Variants in SNTG2 observed in about 807,000 individuals in gnomAD.
The protein encoded by SNTG2 is syntrophin gamma 2, also known as gamma-2-syntrophin.
A neutral mutation model predicts 70.9 loss-of-function variants in SNTG2; 74 were observed. The observed-to-expected ratio is 1.04, with a 90% CI of 0.86 to 1.27. SNTG2 has a LOEUF of 1.27. Ranked by LOEUF, SNTG2 falls within the 50% of genes most tolerant of loss-of-function variation. The probability of loss-of-function intolerance (pLI) is 0.00; values close to 1 mark genes in which losing one functional copy is unlikely to be tolerated. For missense variants in SNTG2, 717 were observed against 690.7 expected (o/e 1.04, Z -0.43); for synonymous variants, 278 against 273.8 (o/e 1.02, Z -0.15).
chr2:1,251,461 CCACA>C (rs1366869288), intron 12 of SNTG2, among the ~76,000 whole-genome samples: 1 of 147,466 alleles, frequency 6.8e-6, no homozygotes, highest in African/African-American at 2.5e-5. Flanking sequence ...ACTACACACA[CCACA>C]CACACACCAC....
intron 14 of SNTG2, among the ~76,000 whole-genome samples, chr2:1,306,743 A>ATG (rs1680693333): frequency 6.7e-6 from 1 of 149,134 alleles, no homozygotes; most frequent in Non-Finnish European, 1.5e-5. Flanking sequence ...TGTGTGAGCC[A>ATG]CACTGTGTGT....
chr2:1,230,703 G>A (rs1321246259), intron 9 of SNTG2, among the ~76,000 whole-genome samples: 5 of 152,232 alleles, frequency 3.3e-5, no homozygotes, highest in East Asian at 1.9e-4. Context: ...GGTCGACAGC[G>A]TGGGGCGCCA....
intron 14 of SNTG2, among the ~76,000 whole-genome samples, chr2:1,268,909 GGCT>G (rs1558617689): frequency 2.6e-5 from 4 of 152,132 alleles, no homozygotes; most frequent in Admixed American, 1.3e-4. Flanking sequence ...GTGTGTGCAG[GGCT>G]GCCCCACACC....
In SNTG2 at chr2:1,037,453, T is replaced by C. The variant is rs536637358; in HGVS notation, c.73-46065T>C. Among the ~76,000 whole-genome samples the C allele has an allele frequency of 1.5e-4, 23 of 152,202 alleles. No homozygotes were observed. The South Asian group carries it at 3.7e-3, about 25-fold the overall frequency. On this transcript the variant is annotated intron_variant, in intron 1 of 16. Transcript: ENST00000308624. ...GTTGTGCAGCCTTTGGCACAATAGG[T>C]TTTAGACCATTTCCATCACCCCAGA... is the stretch of plus-strand genomic sequence containing the variant.
intron 1 of SNTG2, among the ~76,000 whole-genome samples, chr2:1,067,932 G>A (rs935972192): frequency 2.6e-5 from 4 of 152,108 alleles, no homozygotes; most frequent in Admixed American, 6.5e-5. Flanking sequence ...TTGGACTCCC[G>A]GACCTCGGGA....
intron 4 of SNTG2, among the ~76,000 whole-genome samples, chr2:1,135,548 C>T (rs936824333): frequency 7.9e-5 from 12 of 152,126 alleles, no homozygotes; most frequent in Non-Finnish European, 1.8e-4. Context: ...GGCAAAACCA[C>T]GTCTCTACTA....
At chr2:1,182,867 C>T (rs149672715) in intron 8 of SNTG2, among the ~76,000 whole-genome samples, 164 of 152,334 alleles carry the variant, frequency 1.1e-3, no homozygotes, top group African/African-American at 3.7e-3. Context: ...ATCCTCCCAA[C>T]TCAGCCTTCC....
chr2:1,189,122 G>A (rs1025767246), intron 8 of SNTG2, among the ~76,000 whole-genome samples: 1 of 151,886 alleles, frequency 6.6e-6, no homozygotes, highest in African/African-American at 2.4e-5. Context: ...CAGCATATAA[G>A]ATAACATAAA....
chr2:1,186,384 C>CCA, intron 8 of SNTG2, among the ~76,000 whole-genome samples: 1 of 152,290 alleles, frequency 6.6e-6, no homozygotes, highest in East Asian at 1.9e-4. Flanking sequence ...GTCACTTTCA[C>CCA]ATTTTCAGGT....
chr2:1,222,085 GTCTCTCTCTGTC>G (rs1201662095), intron 9 of SNTG2, among the ~76,000 whole-genome samples: 2 of 7,204 alleles, frequency 2.8e-4, no homozygotes. Flanking sequence ...CTCTGTCTCT[GTCTCTCTCTGTC>G]TCTCTCTGTC....
intron 4 of SNTG2, among the ~76,000 whole-genome samples, chr2:1,127,240 G>A (rs1175355223): frequency 6.6e-6 from 1 of 151,082 alleles, no homozygotes; most frequent in Non-Finnish European, 1.5e-5. Context: ...GTATGTTCTT[G>A]GTGCCTTTGT....
At chr2:1,307,283 G>A (rs893431506) in intron 14 of SNTG2, among the ~76,000 whole-genome samples, 2 of 145,916 alleles carry the variant, frequency 1.4e-5, no homozygotes, top group Non-Finnish European at 3.0e-5. Flanking sequence ...TATGTGAACC[G>A]TGCACTGTGT....
At chr2:1,154,993 T>C (rs951011517) in intron 6 of SNTG2, among the ~76,000 whole-genome samples, 2 of 88,672 alleles carry the variant, frequency 2.3e-5, no homozygotes, top group Non-Finnish European at 6.1e-5. Context: ...ACCACACATA[T>C]ACACACACAC....
At chr2:999,198 C>T (rs995039777) in intron 1 of SNTG2, among the ~76,000 whole-genome samples, 1 of 151,994 alleles carries the variant, frequency 6.6e-6, no homozygotes, top group Non-Finnish European at 1.5e-5. Flanking sequence ...AAGTAGAAAA[C>T]TCACAGGTCT....
chr2:1,166,268 C>G (rs1018228828), intron 7 of SNTG2, among the ~76,000 whole-genome samples: 3 of 152,130 alleles, frequency 2.0e-5, no homozygotes, highest in African/African-American at 2.4e-5. Context: ...GGAAAGGCCT[C>G]GAAGGCAAGG....
At chr2:1,146,418 A>T (rs1230752186) in intron 6 of SNTG2, among the ~76,000 whole-genome samples, 1 of 152,210 alleles carries the variant, frequency 6.6e-6, no homozygotes, top group African/African-American at 2.4e-5. Flanking sequence ...TTAATGAAGA[A>T]GATAGTCTAT....
intron 16 of SNTG2, among the ~76,000 whole-genome samples, chr2:1,366,704 ACAGCAGG>A (rs1331252334): frequency 6.6e-6 from 1 of 151,952 alleles, no homozygotes; most frequent in Non-Finnish European, 1.5e-5. Context: ...TCTGCGCCAC[ACAGCAGG>A]CGCTGTTCCT....
chr2:1,048,003 TTA>T (rs1661833235), intron 1 of SNTG2, among the ~76,000 whole-genome samples: 1 of 150,286 alleles, frequency 6.7e-6, no homozygotes, highest in Non-Finnish European at 1.5e-5. Context: ...AAGGAAATTC[TTA>T]TGATTATTTA....
chr2:1,008,280 C>T (rs1207999840), intron 1 of SNTG2, among the ~76,000 whole-genome samples: 1 of 152,156 alleles, frequency 6.6e-6, no homozygotes, highest in Non-Finnish European at 1.5e-5. Flanking sequence ...GTGTTTGTAA[C>T]ACTCACCATT....
Sources: gnomAD v4.1 joint callset for allele counts (sites outside exome capture counted in the v4.1 genomes callset) on GRCh38, gnomAD v4.1.1 for gene constraint, MANE v1.5 for transcripts, NCBI Gene and HGNC (gene_info 2026-07-23, HGNC 2026-07-21) for gene names.